The following LSAMP variants were observed in gnomAD, a reference collection of about 807,000 sequenced individuals.
LSAMP encodes the protein limbic system-associated membrane protein.
A neutral mutation model predicts 38.6 loss-of-function variants in LSAMP; 7 were observed. The observed-to-expected ratio is 0.18, with a 90% CI of 0.10 to 0.34. LSAMP has a LOEUF of 0.34. LSAMP is among the 10% of genes least tolerant of loss of function. LSAMP has a pLI of 1.00. For missense variants in LSAMP, 313 were observed against 420.0 expected (o/e 0.75, Z 2.23); for synonymous variants, 154 against 166.8 (o/e 0.92, Z 0.59).
chr3:116,400,670 G>T (rs1018783168), intron 1 of LSAMP, among the ~76,000 whole-genome samples: 1 of 151,928 alleles, frequency 6.6e-6, no homozygotes, highest in Non-Finnish European at 1.5e-5. Context: ...TAGGGACGGG[G>T]TTTCACCACG....
rs1418841913 is a variant in LSAMP, at chr3:115,807,716, T to C, written c.*2601A>G. On this transcript the variant is annotated 3_prime_UTR_variant, in exon 7 of 7. Transcript: ENST00000490035. ...ACACACTTAAGTGTGTGACTGCCTC[T>C]TCAATTTTTGGGGAATGCTTATTAT... 6.6e-6 allele frequency: 1 copy of C among 152,198 alleles called. No individual in the cohort carries two copies. The highest frequency in any genetic ancestry group is 1.5e-5 in the Non-Finnish European group (1 of 68,028). 9.4% of individuals were successfully genotyped at this position (152,198 alleles called of 1,614,324 possible).
At chr3:116,167,236 C>T (rs1318210915) in intron 1 of LSAMP, among the ~76,000 whole-genome samples, 2 of 152,072 alleles carry the variant, frequency 1.3e-5, no homozygotes, top group African/African-American at 4.8e-5. Flanking sequence ...TCTTTTTGCC[C>T]TTATCCCCCC....
chr3:116,278,943 T>C (rs575160878), intron 1 of LSAMP, among the ~76,000 whole-genome samples: 5 of 152,348 alleles, frequency 3.3e-5, no homozygotes, highest in African/African-American at 1.2e-4. Context: ...ACTCCTATTC[T>C]GCTAGTGCCC....
In LSAMP at chr3:116,248,477, ATGTGTGTGTGTGTGTGTG is replaced by A. The variant is rs3028670; in HGVS notation, c.156-161939_156-161922del. Among the ~76,000 whole-genome samples the A allele has an allele frequency of 4.3e-4, 60 of 141,070 alleles. 2 individuals are homozygous for A. In the South Asian group the frequency reaches 5.2e-3, roughly 12 times the overall value. 92.5% of individuals were successfully genotyped at this position (141,070 alleles called of 152,430 possible). A position where few individuals can be genotyped will look rare whatever the true frequency, so the allele number is the denominator to read the frequency against. ...GCAATATAGTAAGACCCTGTCTCTA[ATGTGTGTGTGTGTGTGTG>A]TGTGTGTGTGTGTGTGTGTGTGTGT... On this transcript the variant is annotated intron_variant, in intron 1 of 6. Coordinates refer to ENST00000490035, the MANE Select transcript of LSAMP (RefSeq NM_002338.5).
At chr3:116,228,153 C>G (rs2046362839) in intron 1 of LSAMP, among the ~76,000 whole-genome samples, 1 of 152,054 alleles carries the variant, frequency 6.6e-6, no homozygotes. Context: ...CACAATTTTT[C>G]TAATATTCAT....
At chr3:116,197,019 A>G (rs1279172794) in intron 1 of LSAMP, among the ~76,000 whole-genome samples, 1 of 152,168 alleles carries the variant, frequency 6.6e-6, no homozygotes, top group Non-Finnish European at 1.5e-5. Context: ...ATGAAAGGGC[A>G]GACTAGAAGC....
intron 1 of LSAMP, among the ~76,000 whole-genome samples, chr3:116,204,542 A>T (rs6810008): frequency 5.9e-4 from 87 of 148,714 alleles, no homozygotes; most frequent in African/African-American, 2.1e-3. Flanking sequence ...TAGGTCTAAC[A>T]TTTAAGTCTT....
In LSAMP at chr3:116,324,910, C is replaced by T. The variant is rs61101348; in HGVS notation, c.155+119967G>A. On this transcript the variant is annotated intron_variant, in intron 1 of 6. Transcript: ENST00000490035. Reference sequence around the variant, plus strand: ...CCTTCTAGGGTTAGATTGAGCCTCTCGGCCTCTCATATGACTTCTATTGCC... The same window carrying T: ...CCTTCTAGGGTTAGATTGAGCCTCTTGGCCTCTCATATGACTTCTATTGCC... Among the ~76,000 whole-genome samples, 482 of 152,110 alleles carry T rather than the reference C, an allele frequency of 3.2e-3. 3 individuals carry two copies. Among genetic ancestry groups the T allele is most frequent in the African/African-American group, 0.011 (451 of 41,504 alleles).
chr3:116,271,858 GGATA>G (rs1189073022), intron 1 of LSAMP, among the ~76,000 whole-genome samples: 1 of 151,852 alleles, frequency 6.6e-6, no homozygotes. Flanking sequence ...CTATAGAGAA[GGATA>G]GATAGAAACT....
At chr3:115,863,038 T>C (rs558849635) in intron 3 of LSAMP, among the ~76,000 whole-genome samples, 7 of 152,334 alleles carry the variant, frequency 4.6e-5, no homozygotes, top group African/African-American at 1.7e-4. Flanking sequence ...ACAGCAGCGA[T>C]TTGTCTCCAC....
rs200172506 is a variant in LSAMP at position 115,941,895 on chromosome 3, GTTAA to G, written c.514+77616_514+77619del. Among the ~76,000 whole-genome samples the G allele has an allele frequency of 6.2e-3, 948 of 152,132 alleles. 8 individuals are homozygous for G. Among genetic ancestry groups the G allele is most frequent in the African/African-American group, 0.021 (866 of 41,500 alleles). ...TGCACAACTTGGTGGTGATAGATAT[GTTAA>G]TTAATTTGGTTGTGATAATCAGTAT... On this transcript the variant is annotated intron_variant, in intron 3 of 6. Transcript: ENST00000490035.
chr3:115,867,489 C>T (rs756510555), intron 3 of LSAMP, among the ~76,000 whole-genome samples: 9 of 152,074 alleles, frequency 5.9e-5, no homozygotes, highest in South Asian at 2.1e-4. Context: ...AGCAGTGGCT[C>T]TCAGGGAACA....
At chr3:116,268,120 T>TTCTGTAATATGCAACTAAATCTAA (rs1347339691) in intron 1 of LSAMP, among the ~76,000 whole-genome samples, 2 of 152,268 alleles carry the variant, frequency 1.3e-5, no homozygotes, top group East Asian at 3.9e-4. Context: ...TATTTGACCT[T>TTCTGTAATATGCAACTAAATCTAA]TCTGTAATAT....
At chr3:116,046,596 C>A (rs1360322949) in intron 2 of LSAMP, among the ~76,000 whole-genome samples, 1 of 152,164 alleles carries the variant, frequency 6.6e-6, no homozygotes, top group Non-Finnish European at 1.5e-5. Context: ...GAGGCTGGAG[C>A]AGACGGAGGA....
chr3:116,264,369 C>A (rs896416654), intron 1 of LSAMP, among the ~76,000 whole-genome samples: 2 of 152,124 alleles, frequency 1.3e-5, no homozygotes, highest in African/African-American at 4.8e-5. Flanking sequence ...AAAGAAGTAG[C>A]CTTATGATGT....
At chr3:116,433,722 A>G (rs1038104913) in intron 1 of LSAMP, among the ~76,000 whole-genome samples, 2 of 152,132 alleles carry the variant, frequency 1.3e-5, no homozygotes, top group Admixed American at 6.5e-5. Flanking sequence ...AGTAACTCCC[A>G]AATCCCCTAT....
Position 115,966,373 on chromosome 3 carries a change from T to C in LSAMP, c.514+53142A>G, listed in dbSNP as rs139648207. Among the ~76,000 whole-genome samples the C allele has an allele frequency of 4.3e-3, 649 of 152,352 alleles. 2 individuals carry two copies. Among genetic ancestry groups the C allele is most frequent in the African/African-American group, 0.015 (624 of 41,584 alleles). On this transcript the variant is annotated intron_variant, in intron 3 of 6. Transcript: ENST00000490035. ...TTCTTGAACCTGAGATAGAAATGTATGACTATTTTATTTAAACTCCTGTGA... is the reference window on the plus strand; with the variant it reads ...TTCTTGAACCTGAGATAGAAATGTACGACTATTTTATTTAAACTCCTGTGA...
chr3:116,250,699 A>AC (rs2046669819), intron 1 of LSAMP, among the ~76,000 whole-genome samples: 1 of 218 alleles, frequency 4.6e-3, no homozygotes, highest in East Asian at 0.25. Flanking sequence ...TTGTATCTAC[A>AC]AAAAAAAAAA....
intron 1 of LSAMP, among the ~76,000 whole-genome samples, chr3:116,110,191 G>C (rs1333419093): frequency 6.6e-6 from 1 of 151,950 alleles, no homozygotes; most frequent in Non-Finnish European, 1.5e-5. Flanking sequence ...AGGGGTTGGG[G>C]TACTTGCCCT....
Sources: allele counts gnomAD v4.1 joint callset (sites outside exome capture counted in the v4.1 genomes callset), GRCh38; gene constraint gnomAD v4.1.1; transcripts MANE v1.5; gene names NCBI Gene and HGNC (gene_info 2026-07-23, HGNC 2026-07-21).